Variants in PRPS1 observed in about 807,000 individuals in gnomAD.
The protein encoded by PRPS1 is ribose-phosphate pyrophosphokinase 1.
In PRPS1, 1 loss-of-function variant was observed where a neutral mutation model predicts 16.9. That is an observed-to-expected ratio of 0.06 (90% CI 0.02 to 0.28). The LOEUF is 0.28. Ranked by LOEUF, PRPS1 falls within the 10% of genes least tolerant of loss-of-function variation. The pLI, the probability that PRPS1 is intolerant of heterozygous loss-of-function variation, is 1.00. For missense variants in PRPS1, 47 were observed against 254.0 expected (o/e 0.19, Z 5.54); for synonymous variants, 70 against 90.2 (o/e 0.78, Z 1.27).
intron 1 of PRPS1, among the ~76,000 whole-genome samples, chrX:107,633,341 G>T (rs919940696): frequency 1.9e-5 from 2 of 104,202 alleles, no homozygotes; most frequent in African/African-American, 7.1e-5. Flanking sequence ...AGAATGGTGT[G>T]AACCCAGGAG....
intron 3 of PRPS1, chrX:107,641,203 A>G: frequency 9.6e-7 from 1 of 1,043,427 alleles, no homozygotes; most frequent in Non-Finnish European, 1.3e-6. Context: ...GTCTAGTTTT[A>G]TGGGAAGAGC....
intron 5 of PRPS1, among the ~76,000 whole-genome samples, chrX:107,645,612 A>G (rs1289812648): frequency 9.0e-6 from 1 of 111,590 alleles, no homozygotes; most frequent in Non-Finnish European, 1.9e-5. Flanking sequence ...TTTTAAGTGT[A>G]TAATTCCATG....
At position 107,649,926 on chromosome X, in the gene PRPS1, T is replaced by C. The variant is rs766514496; in HGVS notation, c.865-14T>C. The C allele has an allele frequency of 8.3e-7, 1 of 1,211,340 alleles. No homozygotes were observed. The highest frequency in any genetic ancestry group is 2.2e-5 in the Admixed American group (1 of 46,005). ...CATATGATAGTAACCTGATTTCCTT[T>C]CTTGCCTTTCTAGGTGATTGACATC... On this transcript the variant is annotated splice_polypyrimidine_tract_variant and intron_variant, in intron 6 of 6. Coordinates refer to ENST00000372435, the MANE Select transcript of PRPS1 (RefSeq NM_002764.4).
chrX:107,647,579 A>C (rs1925728964), intron 5 of PRPS1, 27 bp from the exon 6 acceptor site: 3 of 1,209,470 alleles, frequency 2.5e-6, no homozygotes, highest in Non-Finnish European at 3.4e-6. Context: ...AGTAAGATGA[A>C]TCCAAATCAA....
At chrX:107,649,648 G>A (rs1004017871) in intron 6 of PRPS1, among the ~76,000 whole-genome samples, 3 of 108,577 alleles carry the variant, frequency 2.8e-5, no homozygotes, top group Admixed American at 9.9e-5. Context: ...GTAGAGACGG[G>A]GTTTCATCAT....
intron 4 of PRPS1, among the ~76,000 whole-genome samples, chrX:107,643,656 C>T (rs1449131292): frequency 9.0e-6 from 1 of 111,501 alleles, no homozygotes; most frequent in Non-Finnish European, 1.9e-5. Context: ...TAGAGAGTTA[C>T]TTTTTCTAGC....
intron 2 of PRPS1, among the ~76,000 whole-genome samples, chrX:107,639,876 C>CATAGATAG (rs749112922): frequency 2.7e-5 from 3 of 111,811 alleles, no homozygotes; most frequent in African/African-American, 9.8e-5. Flanking sequence ...CTGATAGATA[C>CATAGATAG]ATAGATAGAT....
intron 6 of PRPS1, among the ~76,000 whole-genome samples, chrX:107,648,554 C>T (rs886875990): frequency 1.9e-5 from 2 of 106,780 alleles, no homozygotes; most frequent in Non-Finnish European, 3.9e-5. Flanking sequence ...AAGTGGCTGG[C>T]GTGCACCACC....
chrX:107,634,483 T>C (rs2147678075), intron 1 of PRPS1, among the ~76,000 whole-genome samples: 1 of 108,954 alleles, frequency 9.2e-6, no homozygotes, highest in African/African-American at 3.3e-5. Flanking sequence ...TCTGCCCACC[T>C]CGGCCTCCTA....
intron 6 of PRPS1, among the ~76,000 whole-genome samples, chrX:107,648,170 TC>T (rs1221548583): frequency 1.8e-5 from 2 of 111,912 alleles, no homozygotes; most frequent in Admixed American, 9.6e-5. Context: ...ATTGTACACT[TC>T]TACCAACTTT....
chrX:107,630,648 C>G (rs1384188430), intron 1 of PRPS1, among the ~76,000 whole-genome samples: 1 of 110,177 alleles, frequency 9.1e-6, no homozygotes, highest in Non-Finnish European at 1.9e-5. Flanking sequence ...TATAACTGCT[C>G]CCCCAGGTGA....
chrX:107,634,915 C>T (rs891518130), intron 1 of PRPS1, among the ~76,000 whole-genome samples: 3 of 107,625 alleles, frequency 2.8e-5, no homozygotes, highest in African/African-American at 1.0e-4. Flanking sequence ...TCTCGGTTCA[C>T]TGCAAGCTCT....
At chrX:107,629,349 C>A (rs1925259328) in intron 1 of PRPS1, among the ~76,000 whole-genome samples, 1 of 111,602 alleles carries the variant, frequency 9.0e-6, no homozygotes, top group Non-Finnish European at 1.9e-5. Context: ...AATCATCTAC[C>A]TGAGTAATTG....
intron 5 of PRPS1, 63 bp from the exon 6 acceptor site, chrX:107,647,543 T>C (rs1401691194): frequency 8.8e-7 from 1 of 1,135,982 alleles, no homozygotes; most frequent in Non-Finnish European, 1.2e-6. Context: ...AATATACTCC[T>C]CCCTGACTAA....
chrX:107,639,266 A>G, intron 1 of PRPS1, 29 bp from the exon 2 acceptor site: 2 of 1,204,067 alleles, frequency 1.7e-6, no homozygotes, highest in Non-Finnish European at 1.1e-6. Flanking sequence ...TTTAAAATCT[A>G]TTTCATGTTC....
intron 6 of PRPS1, among the ~76,000 whole-genome samples, chrX:107,649,702 C>T (rs1925787507): frequency 8.9e-6 from 1 of 111,957 alleles, no homozygotes; most frequent in Admixed American, 9.5e-5. Context: ...AGTGATCTGC[C>T]CACCTTGGCC....
At chrX:107,642,639 A>G (rs1478167281) in intron 4 of PRPS1, 149 bp downstream of exon 4, 31 of 703,519 alleles carry the variant, frequency 4.4e-5, no homozygotes, top group Non-Finnish European at 6.6e-5. Context: ...ATATAGTTTT[A>G]CCCTTTCCTC....
At position 107,636,056 on chromosome X, in the gene PRPS1, C is replaced by CAA. The variant is rs965370775; in HGVS notation, c.123-3219_123-3218dup. Among the ~76,000 whole-genome samples, 72 of 43,231 alleles carry CAA rather than the reference C, an allele frequency of 1.7e-3. 1 individual carries two copies. The highest frequency in any genetic ancestry group is 5.7e-3 in the African/African-American group (63 of 11,031). The allele number at this position is 43,231 out of a possible 115,157, so 37.5% of individuals were successfully genotyped here. A position where few individuals can be genotyped will look rare whatever the true frequency, so the allele number is the denominator to read the frequency against. ...GCCTGGCGACAGAGCGAGACTGTCT[C>CAA]AAAAAAAAAAAAAAAAAAAAACTGA... On this transcript the variant is annotated intron_variant, in intron 1 of 6. Coordinates refer to ENST00000372435, the MANE Select transcript of PRPS1 (RefSeq NM_002764.4).
chrX:107,640,208 G>A (rs182507328), intron 2 of PRPS1, among the ~76,000 whole-genome samples: 15 of 112,137 alleles, frequency 1.3e-4, no homozygotes, highest in Non-Finnish European at 2.1e-4. Flanking sequence ...CAGGCGTGGC[G>A]CTGCGCGCCT....
Sources: allele counts gnomAD v4.1 joint callset (sites outside exome capture counted in the v4.1 genomes callset), GRCh38; gene constraint gnomAD v4.1.1; transcripts MANE v1.5; gene names NCBI Gene and HGNC (gene_info 2026-07-23, HGNC 2026-07-21).